Variants in LYPD1 observed in about 807,000 individuals in gnomAD.
LYPD1 encodes the protein ly6/PLAUR domain-containing protein 1.
LYPD1 carries 14 observed loss-of-function variants against 14.2 expected under a neutral mutation model. The ratio of observed to expected loss-of-function variants is 0.99; its 90% CI spans 0.65 to 1.54. The LOEUF is 1.54. LYPD1 is among the 40% of genes most tolerant of loss of function. LYPD1 has a pLI of 0.00. For synonymous variants in LYPD1, 85 were observed against 70.6 expected, an observed-to-expected ratio of 1.20 and a Z score of -1.02; for missense variants, 165 against 175.7, an observed-to-expected ratio of 0.94 and a Z score of 0.34.
At chr2:132,647,325 C>A (rs562170349) in intron 2 of LYPD1, among the ~76,000 whole-genome samples, 1 of 152,204 alleles carries the variant, frequency 6.6e-6, no homozygotes, top group Non-Finnish European at 1.5e-5. Flanking sequence ...GCTGTCAAGA[C>A]GGTGTTTACT....
At position 132,644,721 on chromosome 2, in the gene LYPD1, T is replaced by G. The variant is rs1213405844; in HGVS notation, c.*1324A>C. The G allele has an allele frequency of 9.3e-6, 2 of 213,988 alleles. No individual in the cohort carries two copies. The highest frequency in any genetic ancestry group is 1.1e-4 in the Admixed American group (2 of 18,904). The allele number at this position is 213,988 out of a possible 1,614,324, so 13.3% of individuals were successfully genotyped here. A position where few individuals can be genotyped will look rare whatever the true frequency, so the allele number is the denominator to read the frequency against. On this transcript the variant is annotated 3_prime_UTR_variant, in exon 3 of 3. Transcript: ENST00000397463. ...TTATCTAATGCAGCTATACTGTATGTATACATCTTTTTCTTTAAAACAAAA... is the reference window on the plus strand; with the variant it reads ...TTATCTAATGCAGCTATACTGTATGGATACATCTTTTTCTTTAAAACAAAA...
chr2:132,650,963 G>A (rs940216829), intron 2 of LYPD1, among the ~76,000 whole-genome samples: 2 of 152,124 alleles, frequency 1.3e-5, no homozygotes, highest in South Asian at 2.1e-4. Context: ...TTTATAATCT[G>A]TACTCTTAAC....
chr2:132,646,218 G>A lies in LYPD1; in HGVS notation c.253C>T (p.Gln85Ter). 1.2e-6 allele frequency: 2 copies of A among 1,602,188 alleles called. No homozygotes were observed. Among genetic ancestry groups the A allele is most frequent in the Non-Finnish European group, 1.7e-6 (2 of 1,173,068 alleles). Residue 85 changes from glutamine (Q) to a stop codon, truncating the protein, a stop_gained, in exon 3 of 3, where the codon CAG becomes TAG. Coordinates refer to ENST00000397463, the MANE Select transcript of LYPD1 (RefSeq NM_144586.7). LOFTEE classifies it high-confidence loss of function. The stretch of plus-strand genomic sequence containing the variant: ...AGTTTCCCTGGGGAGCAGAAGGACT[G>A]GTACCCGGCAGAGGCGATGAGACAG... ...AACLIASAGY[Q>*]SFCSPGKLNS...
At chr2:132,656,021 C>A (rs570305755) in intron 2 of LYPD1, among the ~76,000 whole-genome samples, 1 of 152,174 alleles carries the variant, frequency 6.6e-6, no homozygotes, top group African/African-American at 2.4e-5. Flanking sequence ...AGCTACAATT[C>A]TATTACAAAC....
intron 2 of LYPD1, among the ~76,000 whole-genome samples, chr2:132,654,069 G>A (rs1182510900): frequency 6.6e-6 from 1 of 152,164 alleles, no homozygotes; most frequent in Non-Finnish European, 1.5e-5. Flanking sequence ...AACAAAGCAT[G>A]GTTTCATTAA....
chr2:132,646,363 A>G, intron 2 of LYPD1, 83 bp from the exon 3 acceptor site: 1 of 935,716 alleles, frequency 1.1e-6, no homozygotes, highest in Non-Finnish European at 1.5e-6. Flanking sequence ...CCAAACGGAC[A>G]GCTCTTCCTT....
upstream of LYPD1, among the ~76,000 whole-genome samples, chr2:132,670,462 G>T (rs1232371766): frequency 6.6e-6 from 1 of 152,148 alleles, no homozygotes; most frequent in African/African-American, 2.4e-5. This position sits in a 1 kb window ranked among gnomAD's most constrained non-coding sequence, Gnocchi z 4.5. Context: ...CGAGGAGGGC[G>T]CAGCAGGTGC....
At chr2:132,659,712 C>A (rs1214608111) in intron 2 of LYPD1, among the ~76,000 whole-genome samples, 1 of 152,206 alleles carries the variant, frequency 6.6e-6, no homozygotes, top group African/African-American at 2.4e-5. Flanking sequence ...TATTGGCTGC[C>A]TTTCCCTTTG....
At chr2:132,651,026 A>C (rs1295842986) in intron 2 of LYPD1, among the ~76,000 whole-genome samples, 1 of 152,172 alleles carries the variant, frequency 6.6e-6, no homozygotes, top group East Asian at 1.9e-4. Context: ...GGGGAAAATA[A>C]AAATTAAACA....
chr2:132,651,724 C>A (rs1573729621), intron 2 of LYPD1, among the ~76,000 whole-genome samples: 1 of 152,154 alleles, frequency 6.6e-6, no homozygotes, highest in African/African-American at 2.4e-5. Context: ...TTAAGCATAC[C>A]ATTTATGTAA....
In LYPD1 at chr2:132,645,030, T is replaced by C; in HGVS notation, c.*1015A>G. On this transcript the variant is annotated 3_prime_UTR_variant, in exon 3 of 3. Coordinates refer to ENST00000397463, the MANE Select transcript of LYPD1 (RefSeq NM_144586.7). The stretch of plus-strand genomic sequence containing the variant: ...AGAGGGGCTAAATATTTTATGGTTT[T>C]ATTCATTTACTGTGTTCTCATGCTG... 8 of 1,507,330 alleles carry C rather than the reference T, an allele frequency of 5.3e-6. No individual in the cohort carries two copies. Among genetic ancestry groups the C allele is most frequent in the Non-Finnish European group, 6.3e-6 (7 of 1,116,434 alleles). The allele number at this position is 1,507,330 out of a possible 1,614,324, so 93.4% of individuals were successfully genotyped here.
chr2:132,646,057 C>G lies in LYPD1; in HGVS notation c.414G>C (p.Ser138=). 6.4e-7 allele frequency: 1 copy of G among 1,574,296 alleles called. No individual in the cohort carries two copies. Among genetic ancestry groups the G allele is most frequent in the Non-Finnish European group, 8.6e-7 (1 of 1,158,234 alleles). The change falls in exon 3 of 3, where the codon TCG becomes TCC. Residue 138 remains serine (S), a synonymous_variant. Coordinates refer to ENST00000397463, the MANE Select transcript of LYPD1 (RefSeq NM_144586.7). ...TILFLKLALF[S]AHC Reference sequence around the variant, plus strand: ...ATCTCCTTCAGCTTCAGCAGTGTGCCGAGAAGAGGGCTAATTTGAGGAACA... The same window carrying G: ...ATCTCCTTCAGCTTCAGCAGTGTGCGGAGAAGAGGGCTAATTTGAGGAACA...
chr2:132,647,588 C>T lies in LYPD1; in HGVS notation c.191-1308G>A, dbSNP rs774956309. 5.4e-4 allele frequency among the ~76,000 whole-genome samples: 82 copies of T among 152,314 alleles called. 1 individual carries two copies. Among genetic ancestry groups the T allele is most frequent in the Admixed American group, 2.5e-3 (38 of 15,298 alleles). On this transcript the variant is annotated intron_variant, in intron 2 of 2. Transcript: ENST00000397463. The stretch of plus-strand genomic sequence containing the variant: ...CCTTGTGATCCGCCTGCCTCAGCCT[C>T]GCAAAATGCTGGGATTACAGGCATG...
chr2:132,671,115 G>A (rs1683692861), upstream of LYPD1: 1 of 152,436 alleles, frequency 6.6e-6, no homozygotes, highest in Admixed American at 6.5e-5. Flanking sequence ...CCTCGGACTC[G>A]GCCTCTGGCT....
In LYPD1 at chr2:132,645,040, C is replaced by T; in HGVS notation, c.*1005G>A. The T allele has an allele frequency of 6.5e-7, 1 of 1,532,198 alleles. No individual in the cohort carries two copies. Among genetic ancestry groups the T allele is most frequent in the Non-Finnish European group, 8.8e-7 (1 of 1,131,674 alleles). 94.9% of individuals were successfully genotyped at this position (1,532,198 alleles called of 1,614,324 possible). Reference sequence around the variant, plus strand: ...AATATTTTATGGTTTTATTCATTTACTGTGTTCTCATGCTGTGTTTTTCTT... The same window carrying T: ...AATATTTTATGGTTTTATTCATTTATTGTGTTCTCATGCTGTGTTTTTCTT... On this transcript the variant is annotated 3_prime_UTR_variant, in exon 3 of 3. Transcript: ENST00000397463.
intron 1 of LYPD1, among the ~76,000 whole-genome samples, chr2:132,668,881 T>C (rs1185544219): frequency 2.6e-5 from 4 of 152,256 alleles, no homozygotes. Flanking sequence ...GTGCGTTAGC[T>C]CCAGCCTAAG....
chr2:132,655,465 G>A (rs1272102920), intron 2 of LYPD1, among the ~76,000 whole-genome samples: 1 of 149,224 alleles, frequency 6.7e-6, no homozygotes, highest in African/African-American at 2.5e-5. Flanking sequence ...TTTGCACAGT[G>A]TCCTAGAACT....
intron 2 of LYPD1, among the ~76,000 whole-genome samples, chr2:132,650,481 C>CACAT (rs1418231326): frequency 2.0e-5 from 3 of 152,130 alleles, no homozygotes; most frequent in African/African-American, 7.2e-5. Flanking sequence ...CAGACATACT[C>CACAT]ACATACATAC....
chr2:132,646,160 G>A lies in LYPD1; in HGVS notation c.311C>T (p.Pro104Leu). Residue 104 changes from proline to leucine, a missense_variant, in exon 3 of 3, where the codon CCT (proline) becomes CTT (leucine). Transcript: ENST00000397463. ...CTTGGGCCTTGGCCCGTTACAAAGA[G>A]GGGTGTTGCAGCAGCTGATGCAAAC... ...NSVCISCCNT[P>L]LCNGPRPKKR... 1 of 1,612,104 alleles carries A rather than the reference G, an allele frequency of 6.2e-7. No homozygotes were observed. Among genetic ancestry groups the A allele is most frequent in the Non-Finnish European group, 8.5e-7 (1 of 1,178,838 alleles).
Sources: allele counts gnomAD v4.1 joint callset (sites outside exome capture counted in the v4.1 genomes callset), GRCh38; gene constraint gnomAD v4.1.1; non-coding constraint Gnocchi (gnomAD v3.1); transcripts MANE v1.5; gene names NCBI Gene and HGNC (gene_info 2026-07-23, HGNC 2026-07-21).